The following MDGA2 variants were observed in gnomAD, a reference collection of about 807,000 sequenced individuals.
MDGA2 encodes MAM domain-containing glycosylphosphatidylinositol anchor protein 2.
MDGA2 carries 40 observed loss-of-function variants against 117.8 expected under a neutral mutation model. The observed-to-expected ratio is 0.34, with a 90% CI of 0.26 to 0.44. The LOEUF is 0.44. MDGA2 is among the 20% of genes least tolerant of loss of function. MDGA2 has a pLI of 1.00. For missense variants in MDGA2, 1,123 were observed against 1,250.6 expected, an observed-to-expected ratio of 0.90 and a Z score of 1.54; for synonymous variants, 452 against 439.0, an observed-to-expected ratio of 1.03 and a Z score of -0.37.
At chr14:47,540,207 G>A (rs1479615790) in intron 1 of MDGA2, among the ~76,000 whole-genome samples, 3 of 151,988 alleles carry the variant, frequency 2.0e-5, no homozygotes, top group Non-Finnish European at 4.4e-5. Context: ...TAGAGACGGG[G>A]TTTCACCGTG....
intron 1 of MDGA2, among the ~76,000 whole-genome samples, chr14:47,656,772 C>T (rs1034290368): frequency 6.6e-6 from 1 of 152,112 alleles, no homozygotes; most frequent in African/African-American, 2.4e-5. Context: ...AAAAAGGCCA[C>T]AACAATTTCT....
intron 2 of MDGA2, among the ~76,000 whole-genome samples, chr14:47,237,564 C>T (rs1181390175): frequency 6.6e-6 from 1 of 152,104 alleles, no homozygotes; most frequent in Non-Finnish European, 1.5e-5. Context: ...CTTAGCTGCA[C>T]AAAAATATTA....
intron 2 of MDGA2, among the ~76,000 whole-genome samples, chr14:47,229,194 T>C (rs943439463): frequency 1.3e-5 from 2 of 152,122 alleles, no homozygotes; most frequent in Non-Finnish European, 2.9e-5. Flanking sequence ...AGAAGTGTCA[T>C]GTGGGAATTC....
chr14:47,663,325 T>C (rs1483645285), intron 1 of MDGA2, among the ~76,000 whole-genome samples: 1 of 152,212 alleles, frequency 6.6e-6, no homozygotes, highest in Non-Finnish European at 1.5e-5. Flanking sequence ...TAACAATTTT[T>C]GTTGTCTTTC....
At chr14:47,163,583 C>T (rs993725377) in intron 3 of MDGA2, among the ~76,000 whole-genome samples, 7 of 152,094 alleles carry the variant, frequency 4.6e-5, no homozygotes, top group Admixed American at 2.6e-4. Context: ...ATCCTGAGGC[C>T]GCCCCAGCCA....
chr14:47,329,629 C>T (rs1193702534), intron 1 of MDGA2, among the ~76,000 whole-genome samples: 1 of 151,924 alleles, frequency 6.6e-6, no homozygotes, highest in African/African-American at 2.4e-5. Flanking sequence ...TTATCTTCTG[C>T]TCTCCAAGAA....
At chr14:47,137,092 T>G (rs933759825) in intron 4 of MDGA2, among the ~76,000 whole-genome samples, 8 of 152,218 alleles carry the variant, frequency 5.3e-5, no homozygotes, top group Non-Finnish European at 1.2e-4. Context: ...TGAATTTTTT[T>G]GGTCATGGAC....
In MDGA2 at chr14:47,556,600, G is replaced by A. The variant is rs115809270; in HGVS notation, c.280+117917C>T. On this transcript the variant is annotated intron_variant, in intron 1 of 16. Coordinates refer to ENST00000399232, the MANE Select transcript of MDGA2 (RefSeq NM_001113498.3). ...GATCCCTAATACACCAGCTGGAACA[G>A]CCTGGTCAAGTTAAGTTTCTTTAAC... 1.5e-3 allele frequency among the ~76,000 whole-genome samples: 223 copies of A among 152,314 alleles called. 1 individual carries two copies. The highest frequency in any genetic ancestry group is 5.0e-3 in the African/African-American group (209 of 41,576).
intron 4 of MDGA2, among the ~76,000 whole-genome samples, chr14:47,135,411 A>G (rs1052986285): frequency 1.1e-4 from 16 of 152,128 alleles, no homozygotes; most frequent in Non-Finnish European, 2.4e-4. Flanking sequence ...AAAAATCACC[A>G]ATAGTATTAT....
intron 3 of MDGA2, among the ~76,000 whole-genome samples, chr14:47,174,183 C>T (rs1314862133): frequency 2.6e-5 from 4 of 151,962 alleles, no homozygotes; most frequent in Non-Finnish European, 4.4e-5. Flanking sequence ...ACTTAGACTC[C>T]CACACAATAA....
At chr14:47,039,180 A>AG (rs1888971652) in intron 7 of MDGA2, among the ~76,000 whole-genome samples, 1 of 152,164 alleles carries the variant, frequency 6.6e-6, no homozygotes, top group Non-Finnish European at 1.5e-5. Flanking sequence ...TTACGTGTTG[A>AG]TAATAACAAA....
intron 1 of MDGA2, among the ~76,000 whole-genome samples, chr14:47,314,391 A>G (rs1321785519): frequency 6.6e-6 from 1 of 152,196 alleles, no homozygotes; most frequent in Non-Finnish European, 1.5e-5. Flanking sequence ...TTCTTAAAAC[A>G]TAATTTTTCA....
intron 6 of MDGA2, among the ~76,000 whole-genome samples, chr14:47,077,563 A>T (rs1890541330): frequency 6.6e-6 from 1 of 152,056 alleles, no homozygotes; most frequent in Admixed American, 6.6e-5. Context: ...AGAAGCTGAA[A>T]CTAATTTACT....
chr14:46,909,642 G>T (rs757556890), intron 10 of MDGA2, among the ~76,000 whole-genome samples: 25 of 152,090 alleles, frequency 1.6e-4, no homozygotes, highest in Non-Finnish European at 2.2e-4. Context: ...AATTATAGAG[G>T]AGATATTGTA....
intron 1 of MDGA2, among the ~76,000 whole-genome samples, chr14:47,575,339 G>A (rs1896096506): frequency 6.6e-6 from 1 of 152,024 alleles, no homozygotes; most frequent in African/African-American, 2.4e-5. Context: ...ATATAAAATA[G>A]CAAGCAAAAA....
chr14:47,664,853 G>T (rs1319707119), intron 1 of MDGA2, among the ~76,000 whole-genome samples: 2 of 152,224 alleles, frequency 1.3e-5, no homozygotes, highest in East Asian at 3.9e-4. Context: ...AAAAGGAGTT[G>T]CCCCCCACAG....
chr14:46,906,662 A>G (rs1405498139), intron 10 of MDGA2, among the ~76,000 whole-genome samples: 1 of 152,206 alleles, frequency 6.6e-6, no homozygotes, highest in Non-Finnish European at 1.5e-5. Flanking sequence ...ACTGTCTAAC[A>G]ATAGGTTAAT....
chr14:47,636,406 C>T (rs1897321443), intron 1 of MDGA2, among the ~76,000 whole-genome samples: 1 of 152,114 alleles, frequency 6.6e-6, no homozygotes, highest in Non-Finnish European at 1.5e-5. Flanking sequence ...AATTAATCAT[C>T]AGAGCAAAAT....
chr14:47,583,104 GA>G (rs1159525358), intron 1 of MDGA2, among the ~76,000 whole-genome samples: 3 of 151,844 alleles, frequency 2.0e-5, no homozygotes, highest in African/African-American at 7.2e-5. Flanking sequence ...TATGGTTTTT[GA>G]CACTGGAGAG....
Sources: gnomAD v4.1 joint callset for allele counts (sites outside exome capture counted in the v4.1 genomes callset) on GRCh38, gnomAD v4.1.1 for gene constraint, MANE v1.5 for transcripts, NCBI Gene and HGNC (gene_info 2026-07-23, HGNC 2026-07-21) for gene names.